CEP128: variants seen among roughly 807,000 people sequenced by gnomAD.
The protein encoded by CEP128 is centrosomal protein 128.
A neutral mutation model predicts 156.7 loss-of-function variants in CEP128; 132 were observed. The observed-to-expected ratio is 0.84, with a 90% CI of 0.73 to 0.97. The LOEUF is 0.97. Ranked by LOEUF, CEP128 falls within the 50% of genes least tolerant of loss-of-function variation. The pLI, the probability that CEP128 is intolerant of heterozygous loss-of-function variation, is 0.00. For synonymous variants in CEP128, 469 were observed against 448.9 expected (o/e 1.04, Z -0.57); for missense variants, 1,252 against 1,281.9 (o/e 0.98, Z 0.36).
At chr14:80,766,994 G>T (rs1414768056) in intron 16 of CEP128, among the ~76,000 whole-genome samples, 33 of 152,100 alleles carry the variant, frequency 2.2e-4, no homozygotes, top group Admixed American at 2.2e-3. Context: ...AGATAAAACT[G>T]TTATGCCTAA....
intron 5 of CEP128, chr14:80,905,543 C>G (rs1595571597): frequency 6.0e-6 from 1 of 166,586 alleles, no homozygotes; most frequent in South Asian, 1.6e-4. Flanking sequence ...CCATTCATAT[C>G]TACCTGCATG....
chr14:80,676,940 T>C (rs552131574), intron 19 of CEP128, among the ~76,000 whole-genome samples: 15 of 152,306 alleles, frequency 9.8e-5, no homozygotes, highest in African/African-American at 3.1e-4. Context: ...GTGAATGAAA[T>C]GAGCCTAAAA....
At chr14:80,490,091 A>T (rs1267382358), downstream of CEP128, among the ~76,000 whole-genome samples, 4 of 152,114 alleles carry the variant, frequency 2.6e-5, no homozygotes, top group Non-Finnish European at 5.9e-5. Flanking sequence ...GATTTCAAAC[A>T]AATATTTCTT....
Position 80,484,855 on chromosome 14 carries a change from G to A in CEP128, c.*311-6448C>T, listed in dbSNP as rs79529957. 2.1e-3 allele frequency among the ~76,000 whole-genome samples: 312 copies of A among 151,798 alleles called. 1 individual carries two copies. The highest frequency in any genetic ancestry group is 7.3e-3 in the African/African-American group (299 of 41,106). On this transcript the variant is annotated intron_variant and NMD_transcript_variant, in intron 14 of 14. Transcript: ENST00000554502. ...ACATCTACTGGCATGAATATTGCAC[G>A]GGAAAATTTTTCTATATCTGTTCTG...
intron 15 of CEP128, among the ~76,000 whole-genome samples, chr14:80,780,830 A>G (rs143493364): frequency 2.0e-4 from 30 of 152,322 alleles, no homozygotes; most frequent in African/African-American, 7.2e-4. Context: ...TATGCTAGAC[A>G]CCATAAGAGG....
intron 19 of CEP128, among the ~76,000 whole-genome samples, chr14:80,714,391 G>T (rs1897527007): frequency 6.6e-6 from 1 of 152,056 alleles, no homozygotes; most frequent in Admixed American, 6.6e-5. Flanking sequence ...GCTGGGAAAG[G>T]CAGAAGAAAA....
At chr14:80,640,565 TTACCTCTCCAA>T (rs1409922008) in intron 19 of CEP128, among the ~76,000 whole-genome samples, 1 of 152,172 alleles carries the variant, frequency 6.6e-6, no homozygotes, top group Non-Finnish European at 1.5e-5. Flanking sequence ...TCCTCTCCTT[TTACCTCTCCAA>T]TACCTCATTT....
At chr14:80,919,948 G>C (rs1254899394) in intron 2 of CEP128, among the ~76,000 whole-genome samples, 1 of 152,106 alleles carries the variant, frequency 6.6e-6, no homozygotes, top group Non-Finnish European at 1.5e-5. Flanking sequence ...TTTAAGGTGA[G>C]ATATATCTGA....
At chr14:80,925,941 A>T (rs1160016407) in intron 2 of CEP128, among the ~76,000 whole-genome samples, 1 of 152,120 alleles carries the variant, frequency 6.6e-6, no homozygotes, top group Non-Finnish European at 1.5e-5. Context: ...GTGAGGTTTT[A>T]TGAAAAGGAG....
intron 13 of CEP128, among the ~76,000 whole-genome samples, chr14:80,826,646 T>TA (rs899938238): frequency 5.9e-5 from 9 of 151,836 alleles, no homozygotes; most frequent in Middle Eastern, 6.8e-3. Flanking sequence ...CATCCTCTTT[T>TA]AAAAAAAAAT....
chr14:80,897,086 G>A (rs1300488783), intron 7 of CEP128, among the ~76,000 whole-genome samples: 7 of 152,098 alleles, frequency 4.6e-5, no homozygotes, highest in Admixed American at 2.6e-4. Context: ...CTGTATGTAT[G>A]TATAGAATGT....
chr14:80,652,179 T>C (rs1446259422), intron 19 of CEP128, among the ~76,000 whole-genome samples: 1 of 151,716 alleles, frequency 6.6e-6, no homozygotes, highest in Non-Finnish European at 1.5e-5. Flanking sequence ...TTACACCCTA[T>C]AAAAAAATTA....
chr14:80,596,842 A>AAAAAGG (rs1555379468), intron 19 of CEP128, among the ~76,000 whole-genome samples: 17 of 69,884 alleles, frequency 2.4e-4, no homozygotes, highest in Non-Finnish European at 4.3e-4. Flanking sequence ...AAAAAAAAAA[A>AAAAAGG]GGTGGGGGGG....
chr14:80,840,624 C>A, intron 10 of CEP128, 58 bp downstream of exon 10: 1 of 1,095,868 alleles, frequency 9.1e-7, no homozygotes, highest in Admixed American at 1.8e-5. Context: ...AGGCACTCAA[C>A]AAATACCATT....
intron 23 of CEP128, among the ~76,000 whole-genome samples, chr14:80,525,419 T>A (rs966706883): frequency 6.6e-6 from 1 of 152,214 alleles, no homozygotes; most frequent in Admixed American, 6.5e-5. Flanking sequence ...TTTCTGTGAA[T>A]GTTAAATATG....
intron 20 of CEP128, among the ~76,000 whole-genome samples, chr14:80,570,556 G>A (rs921809806): frequency 3.5e-4 from 53 of 152,228 alleles, no homozygotes; most frequent in African/African-American, 1.2e-3. Flanking sequence ...AGGGGGTCGG[G>A]GAGGCTGGTC....
intron 14 of CEP128, among the ~76,000 whole-genome samples, chr14:80,790,130 G>A (rs1299481311): frequency 2.6e-5 from 4 of 151,646 alleles, no homozygotes; most frequent in Admixed American, 6.6e-5. Flanking sequence ...AGGAATAGAT[G>A]GTAATTTAAG....
rs945685511 is a variant in CEP128 at position 80,678,051 on chromosome 14, T to A, written c.2806+65024A>T. Among the ~76,000 whole-genome samples the A allele has an allele frequency of 4.4e-3, 189 of 43,376 alleles. 3 individuals are homozygous for A. The highest frequency in any genetic ancestry group is 9.7e-3 in the Admixed American group (40 of 4,130). 28.5% of individuals were successfully genotyped at this position (43,376 alleles called of 152,430 possible). The stretch of plus-strand genomic sequence containing the variant: ...GGACAGTTGCTCTATAAAAAAAAAA[T>A]ATATATATATATGTATATATATATA... On this transcript the variant is annotated intron_variant, in intron 19 of 24. Coordinates refer to ENST00000555265, the MANE Select transcript of CEP128 (RefSeq NM_152446.5).
intron 13 of CEP128, among the ~76,000 whole-genome samples, chr14:80,808,287 A>T (rs964583379): frequency 1.3e-5 from 2 of 152,238 alleles, no homozygotes; most frequent in African/African-American, 4.8e-5. Context: ...CCCCACTGGC[A>T]GCATAACCTC....
Sources: gnomAD v4.1 joint callset for allele counts (sites outside exome capture counted in the v4.1 genomes callset) on GRCh38, gnomAD v4.1.1 for gene constraint, MANE v1.5 for transcripts, NCBI Gene and HGNC (gene_info 2026-07-23, HGNC 2026-07-21) for gene names.